Variants in RASA1 observed in about 807,000 individuals in gnomAD.
RASA1 encodes the protein RAS p21 protein activator 1, also known as ras GTPase-activating protein 1.
Under a neutral mutation model 132.2 loss-of-function variants are expected in RASA1, and 25 were observed. The observed-to-expected ratio is 0.19, with a 90% CI of 0.14 to 0.26. The LOEUF (loss-of-function observed/expected upper bound fraction) is 0.26. Among genes scored for constraint, RASA1 ranks in the 10% least tolerant of loss-of-function variants. The probability of loss-of-function intolerance (pLI) is 1.00; values close to 1 mark genes in which losing one functional copy is unlikely to be tolerated. For synonymous variants in RASA1, 477 were observed against 449.9 expected (o/e 1.06, Z -0.76); for missense variants, 964 against 1,299.2 (o/e 0.74, Z 3.97).
At chr5:87,343,810 C>G (rs1009306783) in intron 6 of RASA1, among the ~76,000 whole-genome samples, 3 of 152,146 alleles carry the variant, frequency 2.0e-5, no homozygotes, top group Admixed American at 6.6e-5. Flanking sequence ...GATGTTTAAT[C>G]AACCTAAGTG....
At chr5:87,385,199 G>C (rs1396609396) in intron 21 of RASA1, 102 bp from the exon 22 acceptor site, 2 of 783,782 alleles carry the variant, frequency 2.6e-6, no homozygotes, top group Non-Finnish European at 4.5e-6. Flanking sequence ...AGAATGGGTA[G>C]TAGTTTAACA....
intron 4 of RASA1, among the ~76,000 whole-genome samples, chr5:87,333,795 G>T (rs1757764407): frequency 6.6e-6 from 1 of 152,000 alleles, no homozygotes; most frequent in Admixed American, 6.6e-5. Context: ...GATTATCTGT[G>T]TCTTTCTATA....
At chr5:87,289,227 GAT>G (rs1485053233) in intron 1 of RASA1, among the ~76,000 whole-genome samples, 1 of 152,176 alleles carries the variant, frequency 6.6e-6, no homozygotes, top group African/African-American at 2.4e-5. Context: ...TACTGGCAGA[GAT>G]ATGCCATAGG....
At chr5:87,377,792 C>T (rs535676483) in intron 17 of RASA1, among the ~76,000 whole-genome samples, 2 of 152,300 alleles carry the variant, frequency 1.3e-5, no homozygotes, top group East Asian at 3.9e-4. Flanking sequence ...GATTCATTAA[C>T]AGTTCTTGCT....
intron 13 of RASA1, 86 bp downstream of exon 13, chr5:87,372,281 T>G (rs145879163): frequency 8.0e-7 from 1 of 1,245,910 alleles, no homozygotes; most frequent in Non-Finnish European, 1.2e-6. Context: ...CTGAACTGTT[T>G]TGGACATCAT....
Position 87,268,629 on chromosome 5 carries a change from A to T in RASA1, c.178A>T (p.Thr60Ser). The T allele has an allele frequency of 6.2e-7, 1 of 1,610,822 alleles. No homozygotes were observed. Among genetic ancestry groups the T allele is most frequent in the Non-Finnish European group, 8.5e-7 (1 of 1,179,190 alleles). Residue 60 changes from threonine to serine, a missense_variant, in exon 1 of 25, where the codon ACT (threonine) becomes TCT (serine). By Grantham distance (58) the Thr-to-Ser change is moderately conservative. Transcript: ENST00000274376. ...PGLVETGVAG[T>S]LGGGAALGSE... The stretch of plus-strand genomic sequence containing the variant: ...GCTGGTGGAGACCGGAGTGGCTGGA[A>T]CTCTGGGTGGCGGAGCCGCTTTGGG...
At chr5:87,331,958 A>G (rs569275602) in intron 2 of RASA1, among the ~76,000 whole-genome samples, 1 of 152,172 alleles carries the variant, frequency 6.6e-6, no homozygotes, top group Non-Finnish European at 1.5e-5. Flanking sequence ...CTGTATATAT[A>G]AACATATTTA....
At chr5:87,341,244 T>C in intron 5 of RASA1, 46 bp from the exon 6 acceptor site, 2 of 1,104,174 alleles carry the variant, frequency 1.8e-6, no homozygotes, top group Non-Finnish European at 2.4e-6. Context: ...TAAAAATTGA[T>C]TAATAGTTAA....
At chr5:87,356,171 A>G (rs1390346888) in intron 9 of RASA1, among the ~76,000 whole-genome samples, 1 of 152,188 alleles carries the variant, frequency 6.6e-6, no homozygotes, top group African/African-American at 2.4e-5. Context: ...AAGAAGTTCA[A>G]CTGTGGGTAA....
intron 6 of RASA1, among the ~76,000 whole-genome samples, chr5:87,346,186 A>G (rs1462167624): frequency 6.6e-6 from 1 of 152,008 alleles, no homozygotes; most frequent in Non-Finnish European, 1.5e-5. Context: ...GGTGCTATCC[A>G]CTCATTCTTA....
At chr5:87,301,920 A>G (rs1247319315) in intron 1 of RASA1, among the ~76,000 whole-genome samples, 3 of 152,138 alleles carry the variant, frequency 2.0e-5, no homozygotes, top group African/African-American at 7.2e-5. Flanking sequence ...GACTATACCA[A>G]CAGTGTATTA....
At chr5:87,356,383 ATTTT>A (rs11409141) in intron 9 of RASA1, among the ~76,000 whole-genome samples, 1 of 141,720 alleles carries the variant, frequency 7.1e-6, no homozygotes, top group African/African-American at 2.6e-5. Flanking sequence ...GATGATTGTT[ATTTT>A]TTTTTTTTTT....
chr5:87,353,184 A>C lies in RASA1; in HGVS notation c.1281A>C (p.Arg427=), dbSNP rs1373325614. 1.2e-6 allele frequency: 2 copies of C among 1,610,896 alleles called. No individual in the cohort carries two copies. The highest frequency in any genetic ancestry group is 1.7e-6 in the Non-Finnish European group (2 of 1,177,590). ...TTGGGGACATCATAGATCACTATCG[A>C]AAAGAACAGATTGTTGAAGGATATT... The part of the protein sequence containing the change: ...NSIGDIIDHY[R]KEQIVEGYYL... The change falls in exon 9 of 25, where the codon CGA becomes CGC. Residue 427 remains arginine, a synonymous_variant. Coordinates refer to ENST00000274376, the MANE Select transcript of RASA1 (RefSeq NM_002890.3).
intron 20 of RASA1, among the ~76,000 whole-genome samples, chr5:87,383,146 A>G (rs1761840080): frequency 6.6e-6 from 1 of 152,116 alleles, no homozygotes; most frequent in Non-Finnish European, 1.5e-5. Context: ...GTTCTATTAT[A>G]GACATTTTCA....
intron 2 of RASA1, among the ~76,000 whole-genome samples, chr5:87,332,057 C>T (rs1757640295): frequency 6.6e-6 from 1 of 151,836 alleles, no homozygotes. Flanking sequence ...TTTGTGTACC[C>T]TTGGTTTTTA....
rs570918836 is a variant in RASA1 at position 87,388,726 on chromosome 5, TTCTCA to T, written c.2926-665_2926-661del. ...CACAGATAATTGCAAACCTGACAGG[TTCTCA>T]TTGCATTTTCATAGTGCAGTTCCTA... On this transcript the variant is annotated intron_variant, in intron 23 of 24. Coordinates refer to ENST00000274376, the MANE Select transcript of RASA1 (RefSeq NM_002890.3). Among the ~76,000 whole-genome samples, 1,371 of 152,302 alleles carry T rather than the reference TTCTCA, an allele frequency of 9.0e-3. 1 individual carries two copies. The highest frequency in any genetic ancestry group is 0.031 in the African/African-American group (1,272 of 41,556).
chr5:87,389,632 ATTT>A, intron 24 of RASA1, 105 bp downstream of exon 24: 1 of 1,447,822 alleles, frequency 6.9e-7, no homozygotes. Flanking sequence ...GTTACATTAA[ATTT>A]TTGAGACTCT....
intron 23 of RASA1, 162 bp from the exon 24 acceptor site, chr5:87,389,231 T>C: frequency 1.3e-6 from 1 of 773,070 alleles, no homozygotes; most frequent in Non-Finnish European, 2.0e-6. Context: ...CTTGGGAGGC[T>C]GAGGCAGGAG....
intron 1 of RASA1, among the ~76,000 whole-genome samples, chr5:87,298,873 A>T (rs1755234396): frequency 6.6e-6 from 1 of 152,220 alleles, no homozygotes; most frequent in Non-Finnish European, 1.5e-5. Context: ...AGCATGGCAT[A>T]ACACTTCCTA....
Sources: gnomAD v4.1 joint callset for allele counts (sites outside exome capture counted in the v4.1 genomes callset) on GRCh38, gnomAD v4.1.1 for gene constraint, MANE v1.5 for transcripts, NCBI Gene and HGNC (gene_info 2026-07-23, HGNC 2026-07-21) for gene names.